ADGRE3: variants seen among roughly 807,000 people sequenced by gnomAD.
The protein encoded by ADGRE3 is EGF-like module receptor 3.
In ADGRE3, 88 loss-of-function variants were observed where a neutral mutation model predicts 80.1. That is an observed-to-expected ratio of 1.10 (90% CI 0.93 to 1.31). ADGRE3 has a LOEUF of 1.31. ADGRE3 is among the 40% of genes most tolerant of loss of function. The pLI is 0.00. For missense variants in ADGRE3, 715 were observed against 776.5 expected, an observed-to-expected ratio of 0.92 and a Z score of 0.94; for synonymous variants, 281 against 294.8, an observed-to-expected ratio of 0.95 and a Z score of 0.48.
At chr19:14,671,475 A>T (rs1418567945) in intron 1 of ADGRE3, among the ~76,000 whole-genome samples, 5 of 152,010 alleles carry the variant, frequency 3.3e-5, no homozygotes, top group African/African-American at 1.2e-4. Flanking sequence ...TGTGATTATT[A>T]TATTAGGCCC....
At chr19:14,611,594 A>G in the ADGRE3 span, among the ~76,000 whole-genome samples, 1 of 152,044 alleles carries the variant, frequency 6.6e-6, no homozygotes, top group Non-Finnish European at 1.5e-5. Context: ...AGACCCCTAC[A>G]TAGTGTGGCC....
intron 7 of ADGRE3, among the ~76,000 whole-genome samples, chr19:14,650,388 T>A (rs1713311462): frequency 7.2e-6 from 1 of 138,056 alleles, no homozygotes; most frequent in Non-Finnish European, 1.6e-5. Flanking sequence ...CTCTCTCCCC[T>A]TCTCTCTCTT....
intron 2 of ADGRE3, among the ~76,000 whole-genome samples, chr19:14,663,993 C>T (rs909422229): frequency 2.6e-5 from 4 of 152,094 alleles, no homozygotes; most frequent in South Asian, 4.1e-4. Context: ...AATGAGGCCT[C>T]GCCTCTGGGC....
chr19:14,638,060 T>C (rs1008820787), intron 11 of ADGRE3, 45 bp downstream of exon 11: 11 of 1,447,038 alleles, frequency 7.6e-6, no homozygotes, highest in Non-Finnish European at 1.1e-5. Flanking sequence ...CCTCAAAAGC[T>C]TTCTTAGGAA....
At chr19:14,600,224 G>A in the ADGRE3 span, 2 of 1,602,346 alleles carry the variant, frequency 1.2e-6, no homozygotes, top group East Asian at 2.2e-5. Flanking sequence ...TTCAGGGACA[G>A]CCTGCTTCTC....
rs1022080015 is a variant in ADGRE3 at position 14,632,909 on chromosome 19, G to A, written c.1643+12C>T. On this transcript the variant is annotated intron_variant, in intron 13 of 15. Coordinates refer to ENST00000253673, the MANE Select transcript of ADGRE3 (RefSeq NM_032571.5). ...GGAAAGGGAATAGGAAGTACCATTT[G>A]TCACATCCTACCTTGTGTTCTGGAT... 1.3e-6 allele frequency: 2 copies of A among 1,576,868 alleles called. No individual in the cohort carries two copies. Among genetic ancestry groups the A allele is most frequent in the African/African-American group, 1.3e-5 (1 of 74,262 alleles).
At chr19:14,651,379 TAA>T (rs373465512) in intron 6 of ADGRE3, among the ~76,000 whole-genome samples, 175 bp from the exon 7 acceptor site, 7 of 149,544 alleles carry the variant, frequency 4.7e-5, no homozygotes, top group Admixed American at 2.0e-4. Context: ...ATGCTGCCTC[TAA>T]AAAAAAAATG....
chr19:14,638,467 G>A (rs1175356337), intron 10 of ADGRE3, 127 bp from the exon 11 acceptor site: 1 of 651,816 alleles, frequency 1.5e-6, no homozygotes. Context: ...AAGTAAAGGG[G>A]AACTGGATGC....
chr19:14,659,789 C>T (rs1599646498), intron 4 of ADGRE3, among the ~76,000 whole-genome samples: 1 of 129,016 alleles, frequency 7.8e-6, no homozygotes, highest in South Asian at 2.5e-4. Flanking sequence ...CCACTGCACT[C>T]CAGCCTGGGA....
intron 15 of ADGRE3, chr19:14,622,239 T>G: frequency 4.1e-6 from 3 of 723,516 alleles, no homozygotes; most frequent in Non-Finnish European, 6.5e-6. Context: ...TCACAAGTAC[T>G]AGTATAATTT....
chr19:14,655,045 C>G lies in ADGRE3; in HGVS notation c.514G>C (p.Val172Leu). The G allele has an allele frequency of 6.2e-7, 1 of 1,614,068 alleles. No homozygotes were observed. The highest frequency in any genetic ancestry group is 8.5e-7 in the Non-Finnish European group (1 of 1,179,988). The change falls in exon 6 of 16, where the codon GTT becomes CTT. Residue 172 changes from valine to leucine, a missense_variant. Val to Leu is a conservative substitution (Grantham distance 32). Coordinates refer to ENST00000253673, the MANE Select transcript of ADGRE3 (RefSeq NM_032571.5). ...GGATCTTTCAAGGCAGTTTCTAGAA[C>G]TTTCGATTCCACATCCCGGAGAATA... ...TTILRDVESK[V>L]LETALKDPEQ...
At chr19:14,666,044 AT>A (rs1972099124) in intron 2 of ADGRE3, among the ~76,000 whole-genome samples, 1 of 136,632 alleles carries the variant, frequency 7.3e-6, no homozygotes, top group African/African-American at 2.7e-5. Context: ...TGCAATTGTG[AT>A]TTGTACTGCT....
At chr19:14,617,373 T>C (rs569186855), downstream of ADGRE3, among the ~76,000 whole-genome samples, 55 of 121,898 alleles carry the variant, frequency 4.5e-4, no homozygotes, top group South Asian at 9.9e-3. Context: ...TTTCTTTCTT[T>C]CTTCCTTTCT....
At chr19:14,652,936 C>T (rs11673125) in intron 6 of ADGRE3, among the ~76,000 whole-genome samples, 51,225 of 151,700 alleles carry the variant, frequency 0.34, 9,085 homozygotes, top group African/African-American at 0.45. Context: ...TCATTTAGTA[C>T]GTTTTAATGA....
the ADGRE3 span, among the ~76,000 whole-genome samples, chr19:14,611,718 C>T: frequency 6.6e-6 from 1 of 152,174 alleles, no homozygotes; most frequent in East Asian, 1.9e-4. Flanking sequence ...ATTCACTTTA[C>T]TTGCCAGGCA....
At chr19:14,650,941 T>C in intron 7 of ADGRE3, 144 bp downstream of exon 7, 1 of 956,396 alleles carries the variant, frequency 1.0e-6, no homozygotes, top group Non-Finnish European at 1.5e-6. Context: ...ATGTCTTTTT[T>C]TTTTTTTTAA....
chr19:14,638,511 A>AG (rs1263911917), intron 10 of ADGRE3, among the ~76,000 whole-genome samples, 171 bp from the exon 11 acceptor site: 2 of 152,034 alleles, frequency 1.3e-5, no homozygotes, highest in Non-Finnish European at 2.9e-5. Context: ...GCACTTTGGG[A>AG]GGCTGAGGTG....
At chr19:14,643,719 T>C (rs1354785104) in intron 9 of ADGRE3, among the ~76,000 whole-genome samples, 1 of 152,092 alleles carries the variant, frequency 6.6e-6, no homozygotes, top group Non-Finnish European at 1.5e-5. Flanking sequence ...ATGTTGATTT[T>C]TTTTTTTTTG....
chr19:14,636,513 C>T (rs1225758365), intron 11 of ADGRE3, among the ~76,000 whole-genome samples: 1 of 151,954 alleles, frequency 6.6e-6, no homozygotes, highest in Non-Finnish European at 1.5e-5. Flanking sequence ...GACCTTAAAG[C>T]TCTTCTTTCT....
Sources: gnomAD v4.1 joint callset for allele counts (sites outside exome capture counted in the v4.1 genomes callset) on GRCh38, gnomAD v4.1.1 for gene constraint, MANE v1.5 for transcripts, NCBI Gene and HGNC (gene_info 2026-07-23, HGNC 2026-07-21) for gene names.